Variants in FGF12 observed in about 807,000 individuals in gnomAD.
The protein encoded by FGF12 is fibroblast growth factor 12.
FGF12 carries 14 observed loss-of-function variants against 23.6 expected under a neutral mutation model. The observed-to-expected ratio is 0.59, with a 90% CI of 0.39 to 0.93. The LOEUF is 0.93. FGF12 is among the 40% of genes least tolerant of loss of function. The pLI is 0.00. For missense variants in FGF12, 175 were observed against 217.8 expected, an observed-to-expected ratio of 0.80 and a Z score of 1.24; for synonymous variants, 62 against 77.3, an observed-to-expected ratio of 0.80 and a Z score of 1.04.
At chr3:192,287,282 T>G (rs1714506021) in intron 4 of FGF12, among the ~76,000 whole-genome samples, 1 of 152,070 alleles carries the variant, frequency 6.6e-6, no homozygotes, top group Non-Finnish European at 1.5e-5. Flanking sequence ...GCTGGATATA[T>G]TATCTCATTC....
At chr3:192,528,465 G>C (rs1342980838) in intron 2 of FGF12, among the ~76,000 whole-genome samples, 2 of 152,120 alleles carry the variant, frequency 1.3e-5, no homozygotes, top group Non-Finnish European at 2.9e-5. Flanking sequence ...TCATGGGCTG[G>C]TGTTGTGTGT....
At chr3:192,222,252 A>G (rs1162706719) in intron 4 of FGF12, among the ~76,000 whole-genome samples, 2 of 152,146 alleles carry the variant, frequency 1.3e-5, no homozygotes, top group Non-Finnish European at 2.9e-5. Context: ...TTCAACAAAG[A>G]ACGCTGAAAT....
At chr3:192,458,787 T>C (rs1722764196) in intron 2 of FGF12, among the ~76,000 whole-genome samples, 1 of 152,092 alleles carries the variant, frequency 6.6e-6, no homozygotes, top group Admixed American at 6.5e-5. Context: ...ACATGAGATT[T>C]GGAGGGGCCA....
chr3:192,547,345 G>C (rs1356941315), intron 2 of FGF12, among the ~76,000 whole-genome samples: 7 of 152,042 alleles, frequency 4.6e-5, no homozygotes, highest in Admixed American at 2.6e-4. Context: ...TTTTCAGTTT[G>C]ATCACAATAG....
intron 2 of FGF12, among the ~76,000 whole-genome samples, chr3:192,683,412 T>G (rs1031585447): frequency 6.6e-6 from 1 of 152,182 alleles, no homozygotes; most frequent in African/African-American, 2.4e-5. Context: ...TGGCTTACAG[T>G]TACTGGTGTG....
intron 2 of FGF12, among the ~76,000 whole-genome samples, chr3:192,419,891 G>T (rs1721468738): frequency 6.6e-6 from 1 of 152,092 alleles, no homozygotes; most frequent in Admixed American, 6.6e-5. Context: ...TGGCATAATT[G>T]ATTAAATAAG....
chr3:192,520,502 T>C (rs974654317), intron 2 of FGF12, among the ~76,000 whole-genome samples: 3 of 152,208 alleles, frequency 2.0e-5, no homozygotes, highest in African/African-American at 7.2e-5. Context: ...CAGTATCCAA[T>C]CAAAATACTA....
chr3:192,339,301 C>A (rs1577368316), intron 3 of FGF12, among the ~76,000 whole-genome samples: 1 of 152,116 alleles, frequency 6.6e-6, no homozygotes, highest in South Asian at 2.1e-4. Flanking sequence ...CACAGGAGCC[C>A]TTTGCTACTC....
At chr3:192,468,858 A>G (rs1723083132) in intron 2 of FGF12, among the ~76,000 whole-genome samples, 1 of 152,096 alleles carries the variant, frequency 6.6e-6, no homozygotes, top group South Asian at 2.1e-4. Flanking sequence ...TGATTTTTCT[A>G]TTTCCCTTTT....
At chr3:192,176,798 T>C (rs537162974) in intron 4 of FGF12, among the ~76,000 whole-genome samples, 2 of 152,332 alleles carry the variant, frequency 1.3e-5, no homozygotes, top group Admixed American at 6.5e-5. Context: ...CATTCATTTA[T>C]AGGTTGCAAG....
At chr3:192,725,198 T>C (rs1719169287) in intron 2 of FGF12, among the ~76,000 whole-genome samples, 1 of 152,154 alleles carries the variant, frequency 6.6e-6, no homozygotes. Flanking sequence ...TATAAGTAAT[T>C]AGCCATTTTT....
chr3:192,237,472 A>G (rs1425548339), intron 4 of FGF12, among the ~76,000 whole-genome samples: 1 of 152,196 alleles, frequency 6.6e-6, no homozygotes, highest in African/African-American at 2.4e-5. Flanking sequence ...AGGAATGACA[A>G]CGAGTTACAG....
chr3:192,438,570 A>C (rs1722097264), intron 2 of FGF12, among the ~76,000 whole-genome samples: 1 of 152,176 alleles, frequency 6.6e-6, no homozygotes, highest in Non-Finnish European at 1.5e-5. Flanking sequence ...TGAAATCACT[A>C]ATTAATAAGC....
intron 2 of FGF12, among the ~76,000 whole-genome samples, chr3:192,381,377 T>G (rs1719805274): frequency 6.6e-6 from 1 of 152,196 alleles, no homozygotes; most frequent in Non-Finnish European, 1.5e-5. Flanking sequence ...CCTGCCTTCA[T>G]TCCTTCCATC....
chr3:192,548,756 C>T lies in FGF12; in HGVS notation c.13+178425G>A, dbSNP rs574948212. Among the ~76,000 whole-genome samples, 85 of 152,066 alleles carry T rather than the reference C, an allele frequency of 5.6e-4. 2 individuals carry two copies. In the South Asian group the frequency reaches 0.016, roughly 28 times the overall value. ...ATTTACCCAGTTGTAGTGTTATATC[C>T]CTTCTAACACATTTACTGATATTTT... is the stretch of plus-strand genomic sequence containing the variant. On this transcript the variant is annotated intron_variant, in intron 2 of 5. Transcript: ENST00000445105.
At chr3:192,685,149 C>T (rs1717686305) in intron 2 of FGF12, among the ~76,000 whole-genome samples, 1 of 152,070 alleles carries the variant, frequency 6.6e-6, no homozygotes, top group South Asian at 2.1e-4. Flanking sequence ...CCTCCCAGTT[C>T]ACGCCATTCT....
intron 4 of FGF12, among the ~76,000 whole-genome samples, chr3:192,333,938 T>TG (rs960057546): frequency 7.2e-5 from 11 of 152,034 alleles, no homozygotes; most frequent in Non-Finnish European, 1.6e-4. Context: ...CAAATGATTT[T>TG]GGGGGGGAGT....
intron 2 of FGF12, among the ~76,000 whole-genome samples, chr3:192,438,990 T>C (rs546243333): frequency 6.6e-6 from 1 of 152,350 alleles, no homozygotes; most frequent in African/African-American, 2.4e-5. Flanking sequence ...GCTAACTCTA[T>C]GGACCTAGTT....
At chr3:192,590,911 C>G (rs2108622097) in intron 2 of FGF12, among the ~76,000 whole-genome samples, 1 of 151,960 alleles carries the variant, frequency 6.6e-6, no homozygotes, top group East Asian at 1.9e-4. Flanking sequence ...AAACCTTGTT[C>G]TGCTCCCCCT....
Sources: gnomAD v4.1 joint callset for allele counts (sites outside exome capture counted in the v4.1 genomes callset) on GRCh38, gnomAD v4.1.1 for gene constraint, MANE v1.5 for transcripts, NCBI Gene and HGNC (gene_info 2026-07-23, HGNC 2026-07-21) for gene names.